The following CEP131 variants were observed in gnomAD, a reference collection of about 807,000 sequenced individuals.
CEP131 encodes the protein centrosomal protein of 131 kDa.
Under a neutral mutation model 136.8 loss-of-function variants are expected in CEP131, and 99 were observed. The observed-to-expected ratio is 0.72, with a 90% CI of 0.62 to 0.86. The LOEUF is 0.86. Ranked by LOEUF, CEP131 falls within the 40% of genes least tolerant of loss-of-function variation. The probability of loss-of-function intolerance (pLI) is 0.00; values close to 1 mark genes in which losing one functional copy is unlikely to be tolerated. For missense variants in CEP131, 1,459 were observed against 1,463.0 expected (o/e 1.00, Z 0.04); for synonymous variants, 646 against 612.7 (o/e 1.05, Z -0.80).
At chr17:81,193,875 G>T in intron 18 of CEP131, 51 bp downstream of exon 18, 2 of 1,515,154 alleles carry the variant, frequency 1.3e-6, no homozygotes, top group South Asian at 1.2e-5. Flanking sequence ...CGAGGATTCC[G>T]ACTCCCCGCC....
chr17:81,206,842 T>C lies in CEP131; in HGVS notation c.417A>G (p.Pro139=). 6.8e-6 allele frequency: 11 copies of C among 1,613,964 alleles called. No individual in the cohort carries two copies. The highest frequency in any genetic ancestry group is 8.5e-6 in the Non-Finnish European group (10 of 1,180,004). Residue 139 remains proline (P), a synonymous_variant, in exon 5 of 26, where the codon CCA becomes CCG. Transcript: ENST00000450824. ...LDDQPRGFTL[P]SNARSSSALD... ...GGGCACTGGAACTCCGGGCATTGGA[T>C]GGCAAGGTGAAGCCCCGGGGCTGGT...
chr17:81,196,900 G>T, intron 14 of CEP131, 30 bp downstream of exon 14: 1 of 1,607,398 alleles, frequency 6.2e-7, no homozygotes, highest in Non-Finnish European at 8.5e-7. Context: ...GGCTAGCAGG[G>T]CCCGGGATTA....
At chr17:81,214,493 T>C (rs1295269685) in intron 2 of CEP131, among the ~76,000 whole-genome samples, 1 of 151,788 alleles carries the variant, frequency 6.6e-6, no homozygotes, top group African/African-American at 2.4e-5. Flanking sequence ...GAGACAGAGA[T>C]TGCGGTGAGG....
intron 1 of CEP131, among the ~76,000 whole-genome samples, chr17:81,220,689 C>T (rs1037832659): frequency 2.0e-5 from 3 of 151,860 alleles, no homozygotes; most frequent in Non-Finnish European, 4.4e-5. Context: ...GAAGTAGAAA[C>T]GGGGTTTTGC....
Position 81,203,134 on chromosome 17 carries a change from G to T in CEP131, c.629+360C>A, listed in dbSNP as rs2061930588. 1.3e-5 allele frequency among the ~76,000 whole-genome samples: 2 copies of T among 152,226 alleles called. No individual in the cohort carries two copies. The highest frequency in any genetic ancestry group is 1.9e-4 in the East Asian group (1 of 5,158). ...TCCACCCCCGCTGTGACGCCTTCTG[G>T]GCTCTGCACAAGCCTTGGCTTCCTC... On this transcript the variant is annotated intron_variant, in intron 6 of 25. Coordinates refer to ENST00000450824, the MANE Select transcript of CEP131 (RefSeq NM_014984.4). The surrounding 1 kb of genome is among the most constrained non-coding windows in gnomAD (Gnocchi z 4.6).
chr17:81,205,346 G>A (rs1275278189), intron 5 of CEP131, among the ~76,000 whole-genome samples: 1 of 148,800 alleles, frequency 6.7e-6, no homozygotes, highest in African/African-American at 2.5e-5. Flanking sequence ...GGGGTAGGAG[G>A]GGCGGCAAGA....
chr17:81,206,424 T>C (rs1227536042), intron 5 of CEP131, among the ~76,000 whole-genome samples: 1 of 152,146 alleles, frequency 6.6e-6, no homozygotes, highest in Non-Finnish European at 1.5e-5. Flanking sequence ...CTATTTCTTT[T>C]GGAGCTTCCC....
At position 81,197,748 on chromosome 17, in the gene CEP131, C is replaced by T. The variant is rs781445417; in HGVS notation, c.1611G>A (p.Glu537=). The T allele has an allele frequency of 5.0e-6, 8 of 1,612,822 alleles. No homozygotes were observed. The highest frequency in any genetic ancestry group is 1.1e-5 in the South Asian group (1 of 91,086). ...QSIMSFLDEM[E]KSGQDQLDSQ... The stretch of plus-strand genomic sequence containing the variant: ...AGTCCAGCTGGTCCTGCCCAGACTT[C>T]TCCATCTCGTCCAAGAAGCTCATGA... Residue 537 remains glutamate (E), a synonymous_variant, in exon 13 of 26, where the codon GAG becomes GAA. Coordinates refer to ENST00000450824, the MANE Select transcript of CEP131 (RefSeq NM_014984.4).
At chr17:81,192,908 AGGGGCAC>A in intron 18 of CEP131, 65 bp from the exon 19 acceptor site, 1 of 1,547,580 alleles carries the variant, frequency 6.5e-7, no homozygotes, top group Non-Finnish European at 8.7e-7. Context: ...CACCCACCGC[AGGGGCAC>A]GGGCCGACCA....
intron 1 of CEP131, among the ~76,000 whole-genome samples, chr17:81,221,814 G>A (rs1486879774): frequency 1.3e-5 from 2 of 152,174 alleles, no homozygotes; most frequent in Non-Finnish European, 2.9e-5. Context: ...CTGGCGCCAG[G>A]GACCAACCTC....
intron 12 of CEP131, 70 bp downstream of exon 12, chr17:81,198,045 A>G: frequency 6.7e-7 from 1 of 1,487,894 alleles, no homozygotes; most frequent in Admixed American, 2.2e-5. Context: ...CAACCCCCAC[A>G]GCCACCGCAT....
At position 81,207,295 on chromosome 17, in the gene CEP131, G is replaced by A. The variant is rs920593806; in HGVS notation, c.273-56C>T. On this transcript the variant is annotated intron_variant, in intron 3 of 25. Coordinates refer to ENST00000450824, the MANE Select transcript of CEP131 (RefSeq NM_014984.4). Reference sequence around the variant, plus strand: ...AAGAGTCACCAGCCGGGAAGCCGACGCTAGGCACACAGACCAGGCAGGTCC... The same window carrying A: ...AAGAGTCACCAGCCGGGAAGCCGACACTAGGCACACAGACCAGGCAGGTCC... The A allele has an allele frequency of 1.1e-5, 16 of 1,517,142 alleles. No homozygotes were observed. In the African/African-American group the frequency reaches 1.4e-4, roughly 13 times the overall value. The allele number at this position is 1,517,142 out of a possible 1,614,324, so 94.0% of individuals were successfully genotyped here.
chr17:81,196,551 G>C, intron 15 of CEP131, 150 bp downstream of exon 15: 2 of 1,254,484 alleles, frequency 1.6e-6, no homozygotes, highest in Non-Finnish European at 2.2e-6. Flanking sequence ...GGCTGGGAAT[G>C]GCATGGGAAA....
rs367844201 is a variant in CEP131 at position 81,191,339 on chromosome 17, G to C, written c.2623-4C>G. On this transcript the variant is annotated splice_polypyrimidine_tract_variant and splice_region_variant and intron_variant, in intron 21 of 25. Transcript: ENST00000450824. ...CCCGGTTCAGCAGCCACGCCTCCTG[G>C]GGGGACATGCGCTGCCTGGGGGTTG... 558 of 1,612,566 alleles carry C rather than the reference G, an allele frequency of 3.5e-4. 1 individual carries two copies. The highest frequency in any genetic ancestry group is 1.2e-3 in the Admixed American group (74 of 60,000).
chr17:81,192,685 G>GGGGGGGGGGGGGGGGGGGGGGGGGGGGGC, intron 19 of CEP131, 51 bp downstream of exon 19: 1 of 478,432 alleles, frequency 2.1e-6, no homozygotes, highest in Non-Finnish European at 4.1e-6. Context: ...GGGGGGAGGG[G>GGGGGGGGGGGGGGGGGGGGGGGGGGGGGC]TCAGCCAGCG....
At position 81,195,840 on chromosome 17, in the gene CEP131, C is replaced by T. The variant is rs904277221; in HGVS notation, c.2011G>A (p.Glu671Lys). 2.7e-5 allele frequency: 43 copies of T among 1,603,288 alleles called. No homozygotes were observed. The highest frequency in any genetic ancestry group is 1.8e-4 in the Middle Eastern group (1 of 5,656). Reference sequence around the variant, plus strand: ...AGTAGGGAGCAAAGCCTCACCAGCTCGTGCTGCGCCTGTGCCTGGGCCACA... The same window carrying T: ...AGTAGGGAGCAAAGCCTCACCAGCTTGTGCTGCGCCTGTGCCTGGGCCACA... ...ERVAQAQAQH[E>K]LEIKKLKELM... is the part of the protein sequence containing the mutation. Residue 671 changes from glutamate to lysine, a missense_variant, in exon 16 of 26, where the codon GAG becomes AAG. Around this residue, in one of 3 missense-constraint regions of CEP131, gnomAD observed 1,026 missense variants for 964.2 expected, o/e 1.06. Transcript: ENST00000450824.
Position 81,193,899 on chromosome 17 carries a change from C to G in CEP131, c.2321+27G>C, listed in dbSNP as rs765573758. On this transcript the variant is annotated intron_variant, in intron 18 of 25. Coordinates refer to ENST00000450824, the MANE Select transcript of CEP131 (RefSeq NM_014984.4). ...CGACTCCCCGCCCTGAGGGTCCTGG[C>G]CCCACCGGCCTGGGGCCACCACCCA... is the stretch of plus-strand genomic sequence containing the variant. The G allele has an allele frequency of 5.2e-6, 8 of 1,530,924 alleles. No homozygotes were observed. The Admixed American group carries it at 1.6e-4, about 31-fold the overall frequency. The allele number at this position is 1,530,924 out of a possible 1,614,324, so 94.8% of individuals were successfully genotyped here.
chr17:81,201,144 T>C (rs1008370510), intron 7 of CEP131, among the ~76,000 whole-genome samples: 1 of 152,142 alleles, frequency 6.6e-6, no homozygotes, highest in Non-Finnish European at 1.5e-5. Flanking sequence ...GCAAAGGCAC[T>C]AACAGAGAAC....
Position 81,215,366 on chromosome 17 carries a change from G to A in CEP131, c.177+4514C>T, listed in dbSNP as rs1055998379. 6.6e-5 allele frequency among the ~76,000 whole-genome samples: 10 copies of A among 151,964 alleles called. No individual in the cohort carries two copies. Among genetic ancestry groups the A allele is most frequent in the Non-Finnish European group, 1.3e-4 (9 of 67,996 alleles). ...CCCACCGCAGCCACGCAAAGTGCTG[G>A]GATTACAGATATTGGCCACCACTCC... is the stretch of plus-strand genomic sequence containing the variant. On this transcript the variant is annotated intron_variant, in intron 2 of 25. Coordinates refer to ENST00000450824, the MANE Select transcript of CEP131 (RefSeq NM_014984.4). This position sits in a 1 kb window ranked among gnomAD's most constrained non-coding sequence, Gnocchi z 4.1.
Sources: gnomAD v4.1 joint callset for allele counts (sites outside exome capture counted in the v4.1 genomes callset) on GRCh38, gnomAD v4.1.1 for gene constraint, gnomAD v4.1.1 regional missense constraint, Gnocchi (gnomAD v3.1) non-coding constraint, MANE v1.5 for transcripts, NCBI Gene and HGNC (gene_info 2026-07-23, HGNC 2026-07-21) for gene names.